PHACTR2: variants seen among roughly 807,000 people sequenced by gnomAD.
PHACTR2 encodes phosphatase and actin regulator 2, also known as chromosome 6 open reading frame 56.
PHACTR2 carries 30 observed loss-of-function variants against 76.0 expected under a neutral mutation model. The observed-to-expected ratio is 0.39, with a 90% CI of 0.30 to 0.54. PHACTR2 has a LOEUF of 0.54. PHACTR2 is among the 20% of genes least tolerant of loss of function. The pLI is 0.61. For synonymous variants in PHACTR2, 292 were observed against 292.5 expected (o/e 1.00, Z 0.02); for missense variants, 696 against 781.1 (o/e 0.89, Z 1.30).
rs1779342960 is a variant in PHACTR2 at position 143,757,984 on chromosome 6, CACACAT to C, written c.455-2415_455-2410del. 6.8e-6 allele frequency among the ~76,000 whole-genome samples: 1 copy of C among 147,910 alleles called. No homozygotes were observed. Among genetic ancestry groups the C allele is most frequent in the South Asian group, 2.1e-4 (1 of 4,818 alleles). On this transcript the variant is annotated intron_variant, in intron 4 of 12. Coordinates refer to ENST00000440869, the MANE Select transcript of PHACTR2 (RefSeq NM_001100164.2). The surrounding 1 kb of genome is among the most constrained non-coding windows in gnomAD (Gnocchi z 4.2). ...GCGCGCACACACACACACACACACA[CACACAT>C]AACTTAAGAATTACCAGAATGACAA...
rs1199775718 is a variant in PHACTR2 at position 143,598,666 on chromosome 6, C to A, written c.217+61459C>A. Among the ~76,000 whole-genome samples the A allele has an allele frequency of 6.6e-6, 1 of 152,182 alleles. No homozygotes were observed. The highest frequency in any genetic ancestry group is 1.5e-5 in the Non-Finnish European group (1 of 68,032). ...ATGGCTTCCCCTTCCTGGCCTATGT[C>A]CCTGTGGATATGTTAGAACCTGGTT... On this transcript the variant is annotated intron_variant, in intron 1 of 11. Transcript: ENST00000367584. This position sits in a 1 kb window ranked among gnomAD's most constrained non-coding sequence, Gnocchi z 4.1.
intron 2 of PHACTR2, among the ~76,000 whole-genome samples, chr6:143,732,360 A>G (rs967402763): frequency 6.6e-6 from 1 of 152,240 alleles, no homozygotes; most frequent in Non-Finnish European, 1.5e-5. Context: ...TATCTCATAC[A>G]GATGGAATCA....
chr6:143,808,125 A>G (rs1318260132), intron 12 of PHACTR2, among the ~76,000 whole-genome samples: 1 of 143,038 alleles, frequency 7.0e-6, no homozygotes, highest in Non-Finnish European at 1.5e-5. Context: ...CCACAATCCA[A>G]AATTTTTTTT....
chr6:143,711,714 G>A, intron 1 of PHACTR2: 1 of 571,666 alleles, frequency 1.7e-6, no homozygotes, highest in Non-Finnish European at 3.4e-6. Flanking sequence ...TATTGATGGG[G>A]TTGTTGCAGA....
At position 143,774,307 on chromosome 6, in the gene PHACTR2, T is replaced by C; in HGVS notation, c.1589+92T>C. On this transcript the variant is annotated intron_variant, in intron 8 of 12. Coordinates refer to ENST00000440869, the MANE Select transcript of PHACTR2 (RefSeq NM_001100164.2). The surrounding 1 kb of genome is among the most constrained non-coding windows in gnomAD (Gnocchi z 5.4). ...CTAACTGGGGTCATTGTGAATTCCTTATGTACAGATACATCTGGCCTACTG... is the reference window on the plus strand; with the variant it reads ...CTAACTGGGGTCATTGTGAATTCCTCATGTACAGATACATCTGGCCTACTG... 1.1e-6 allele frequency: 1 copy of C among 947,108 alleles called. No homozygotes were observed. Among genetic ancestry groups the C allele is most frequent in the African/African-American group, 1.6e-5 (1 of 60,698 alleles). 58.7% of individuals were successfully genotyped at this position (947,108 alleles called of 1,614,324 possible). A position where few individuals can be genotyped will look rare whatever the true frequency, so the allele number is the denominator to read the frequency against.
chr6:143,803,121 A>G lies in PHACTR2; in HGVS notation c.1846-3936A>G, dbSNP rs1347255932. Among the ~76,000 whole-genome samples, 1 of 152,198 alleles carries G rather than the reference A, an allele frequency of 6.6e-6. No individual in the cohort carries two copies. Among genetic ancestry groups the G allele is most frequent in the Non-Finnish European group, 1.5e-5 (1 of 68,034 alleles). ...GGATGTGAGGTTAAAAGGCTTGTGT[A>G]TGAGCCCCATGTTTGTCATTTAACC... is the stretch of plus-strand genomic sequence containing the variant. On this transcript the variant is annotated intron_variant, in intron 11 of 12. Coordinates refer to ENST00000440869, the MANE Select transcript of PHACTR2 (RefSeq NM_001100164.2). This position sits in a 1 kb window ranked among gnomAD's most constrained non-coding sequence, Gnocchi z 4.7.
In PHACTR2 at chr6:143,672,807, C is replaced by A. The variant is rs944617742; in HGVS notation, c.14-39209C>A. 3.9e-5 allele frequency among the ~76,000 whole-genome samples: 6 copies of A among 152,118 alleles called. No individual in the cohort carries two copies. The highest frequency in any genetic ancestry group is 1.4e-4 in the African/African-American group (6 of 41,416). ...TGGCTCAACCTCAGCTCATTGCAAC[C>A]TCCGCCTCCCAGGTTCAAGTGATTC... is the stretch of plus-strand genomic sequence containing the variant. On this transcript the variant is annotated intron_variant, in intron 1 of 11. Transcript: ENST00000305766. The surrounding 1 kb of genome is among the most constrained non-coding windows in gnomAD (Gnocchi z 5.8).
chr6:143,664,372 G>A lies in PHACTR2; in HGVS notation c.14-47644G>A, dbSNP rs536800851. Among the ~76,000 whole-genome samples the A allele has an allele frequency of 6.6e-6, 1 of 152,196 alleles. No homozygotes were observed. Among genetic ancestry groups the A allele is most frequent in the African/African-American group, 2.4e-5 (1 of 41,532 alleles). On this transcript the variant is annotated intron_variant, in intron 1 of 11. Transcript: ENST00000305766. The surrounding 1 kb of genome is among the most constrained non-coding windows in gnomAD (Gnocchi z 5.1). ...CACAATTTTTTAGTCTTTGTCATTA[G>A]ATAAGAAAGCTTATTCCTTTCATAT...
rs1242977798 is a variant in PHACTR2, at chr6:143,695,675, GATAAC to G, written c.47-16338_47-16334del. Among the ~76,000 whole-genome samples, 2 of 152,196 alleles carry G rather than the reference GATAAC, an allele frequency of 1.3e-5. No individual in the cohort carries two copies. Among genetic ancestry groups the G allele is most frequent in the African/African-American group, 4.8e-5 (2 of 41,454 alleles). ...TAATGATTTCTTAGCCAGTCCAGTG[GATAAC>G]ATGAGTCTCATAATCAAGAATCCTC... On this transcript the variant is annotated intron_variant, in intron 1 of 12. Transcript: ENST00000440869. This position sits in a 1 kb window ranked among gnomAD's most constrained non-coding sequence, Gnocchi z 4.4.
chr6:143,720,231 AGT>A, intron 2 of PHACTR2, among the ~76,000 whole-genome samples: 1 of 152,208 alleles, frequency 6.6e-6, no homozygotes, highest in Non-Finnish European at 1.5e-5. Flanking sequence ...CATAGATTTT[AGT>A]GACATAAAAG....
At chr6:143,651,792 G>T (rs1379928032) in intron 1 of PHACTR2, among the ~76,000 whole-genome samples, 1 of 151,600 alleles carries the variant, frequency 6.6e-6, no homozygotes, top group Non-Finnish European at 1.5e-5. Flanking sequence ...AAACCACCAT[G>T]GCATACACTT....
At position 143,754,034 on chromosome 6, in the gene PHACTR2, G is replaced by GA. The variant is rs989985568; in HGVS notation, c.454+128dup. 3.9e-6 allele frequency: 2 copies of GA among 508,584 alleles called. No individual in the cohort carries two copies. Among genetic ancestry groups the GA allele is most frequent in the South Asian group, 1.3e-4 (2 of 15,184 alleles). 31.5% of individuals were successfully genotyped at this position (508,584 alleles called of 1,614,324 possible). A position where few individuals can be genotyped will look rare whatever the true frequency, so the allele number is the denominator to read the frequency against. ...TCTGCAGAGGAGAGGTTTACAAATA[G>GA]AAAAAAGAAAGAAATGATAACTAGT... On this transcript the variant is annotated intron_variant, in intron 4 of 12. Transcript: ENST00000440869. This position sits in a 1 kb window ranked among gnomAD's most constrained non-coding sequence, Gnocchi z 6.2.
rs1369932004 is a variant in PHACTR2, at chr6:143,624,406, C to G, written c.13+16084C>G. On this transcript the variant is annotated intron_variant, in intron 1 of 11. Transcript: ENST00000305766. This position sits in a 1 kb window ranked among gnomAD's most constrained non-coding sequence, Gnocchi z 4.6. ...ACAGGCGTGAGCCACCGTGCCTGGCCAAAATCTTGTTAATTCTTATGACCA... is the reference window on the plus strand; with the variant it reads ...ACAGGCGTGAGCCACCGTGCCTGGCGAAAATCTTGTTAATTCTTATGACCA... Among the ~76,000 whole-genome samples the G allele has an allele frequency of 6.6e-6, 1 of 152,126 alleles. No homozygotes were observed. Among genetic ancestry groups the G allele is most frequent in the Non-Finnish European group, 1.5e-5 (1 of 68,016 alleles).
At chr6:143,703,697 A>G (rs12201496) in intron 1 of PHACTR2, among the ~76,000 whole-genome samples, 33,923 of 152,108 alleles carry the variant, frequency 0.22, 4,017 homozygotes, top group East Asian at 0.37. Flanking sequence ...TGCCATGATT[A>G]TTACCTTAAT....
intron 1 of PHACTR2, among the ~76,000 whole-genome samples, chr6:143,620,764 AGGG>A (rs1172344320): frequency 2.0e-5 from 3 of 152,204 alleles, no homozygotes; most frequent in Admixed American, 2.0e-4. Flanking sequence ...GCTTTTATGC[AGGG>A]GGAAAGCCAG....
rs1776465820 is a variant in PHACTR2, at chr6:143,823,305, CGA to C, written c.1923-367_1923-366del. On this transcript the variant is annotated intron_variant, in intron 12 of 12. Transcript: ENST00000440869. This position sits in a 1 kb window ranked among gnomAD's most constrained non-coding sequence, Gnocchi z 5.7. ...TGTTACTGTGCTTTTATAATACAGA[CGA>C]GGTGTACCAAAATCCCTTTGTGAAA... Among the ~76,000 whole-genome samples the C allele has an allele frequency of 6.6e-6, 1 of 152,106 alleles. No homozygotes were observed. The highest frequency in any genetic ancestry group is 2.4e-5 in the African/African-American group (1 of 41,414).
At position 143,547,360 on chromosome 6, in the gene PHACTR2, A is replaced by C. The variant is rs1325533969; in HGVS notation, c.217+10153A>C. Among the ~76,000 whole-genome samples, 1 of 152,232 alleles carries C rather than the reference A, an allele frequency of 6.6e-6. No individual in the cohort carries two copies. Among genetic ancestry groups the C allele is most frequent in the African/African-American group, 2.4e-5 (1 of 41,458 alleles). ...AACAGTGGCCACATAGTAGGAATAC[A>C]TTTATTGTCTCCCAGCATGATTATT... On this transcript the variant is annotated intron_variant, in intron 1 of 11. Transcript: ENST00000367584. The surrounding 1 kb of genome is among the most constrained non-coding windows in gnomAD (Gnocchi z 4.2).
chr6:143,768,026 T>C (rs1779597547), intron 6 of PHACTR2, among the ~76,000 whole-genome samples: 1 of 151,670 alleles, frequency 6.6e-6, no homozygotes, highest in Non-Finnish European at 1.5e-5. Context: ...TTAGTAGAGA[T>C]GGGGTTTCAC....
intron 2 of PHACTR2, among the ~76,000 whole-genome samples, chr6:143,737,663 A>G (rs776541932): frequency 4.6e-5 from 7 of 152,240 alleles, no homozygotes; most frequent in Non-Finnish European, 1.0e-4. Flanking sequence ...CTTAAGTGTT[A>G]CAGTTTCAGC....
Sources: allele counts gnomAD v4.1 joint callset (sites outside exome capture counted in the v4.1 genomes callset), GRCh38; gene constraint gnomAD v4.1.1; non-coding constraint Gnocchi (gnomAD v3.1); transcripts MANE v1.5; gene names NCBI Gene and HGNC (gene_info 2026-07-23, HGNC 2026-07-21).